The following SSH2 variants were observed in gnomAD, a reference collection of about 807,000 sequenced individuals.
SSH2 encodes the protein protein phosphatase Slingshot homolog 2.
In SSH2, 37 loss-of-function variants were observed where a neutral mutation model predicts 135.2. The observed-to-expected ratio is 0.27, with a 90% CI of 0.21 to 0.36. SSH2 has a LOEUF of 0.36. Among genes scored for constraint, SSH2 ranks in the 10% least tolerant of loss-of-function variants. The pLI is 1.00. For missense variants in SSH2, 1,408 were observed against 1,765.3 expected, an observed-to-expected ratio of 0.80 and a Z score of 3.63; for synonymous variants, 628 against 646.2, an observed-to-expected ratio of 0.97 and a Z score of 0.43.
chr17:29,837,464 T>C (rs778187971), intron 2 of SSH2, among the ~76,000 whole-genome samples: 20 of 152,146 alleles, frequency 1.3e-4, no homozygotes, highest in Admixed American at 5.9e-4. Flanking sequence ...GGCTATCCAT[T>C]GTAGCTGCCA....
intron 12 of SSH2, 86 bp from the exon 13 acceptor site, chr17:29,650,886 T>C (rs2036556139): frequency 2.7e-6 from 3 of 1,111,450 alleles, no homozygotes; most frequent in Non-Finnish European, 2.5e-6. Context: ...TTAAAACTTG[T>C]TTATTCCATA....
chr17:29,730,789 C>A (rs1303422057), intron 3 of SSH2, among the ~76,000 whole-genome samples: 1 of 151,826 alleles, frequency 6.6e-6, no homozygotes, highest in Non-Finnish European at 1.5e-5. Context: ...CTCTTGTACC[C>A]CATAAATATA....
chr17:29,908,783 A>T (rs34789126), intron 1 of SSH2, among the ~76,000 whole-genome samples: 2 of 128,068 alleles, frequency 1.6e-5, no homozygotes, highest in East Asian at 4.9e-4. Flanking sequence ...AAAAAAAAAA[A>T]AAAAAAAAAA....
At chr17:29,782,579 A>T (rs2041862121) in intron 3 of SSH2, among the ~76,000 whole-genome samples, 1 of 151,988 alleles carries the variant, frequency 6.6e-6, no homozygotes, top group Non-Finnish European at 1.5e-5. Flanking sequence ...CTTGAGGATC[A>T]GAGTTGTTTT....
chr17:29,775,237 G>GCA (rs1443321302), intron 3 of SSH2, among the ~76,000 whole-genome samples: 2 of 151,784 alleles, frequency 1.3e-5, no homozygotes, highest in South Asian at 4.2e-4. Context: ...ATGAGATCTG[G>GCA]CAGCCTAGAA....
intron 3 of SSH2, among the ~76,000 whole-genome samples, chr17:29,725,892 G>A (rs2151177687): frequency 6.6e-6 from 1 of 152,230 alleles, no homozygotes; most frequent in African/African-American, 2.4e-5. Context: ...TTCTGCAAAT[G>A]TATCCCAGAA....
intron 3 of SSH2, among the ~76,000 whole-genome samples, chr17:29,713,074 G>A (rs2039497532): frequency 6.6e-6 from 1 of 152,190 alleles, no homozygotes; most frequent in African/African-American, 2.4e-5. Context: ...GGTGGCTCAC[G>A]CCTGTAATTC....
At chr17:29,859,070 T>A (rs937872628) in intron 1 of SSH2, among the ~76,000 whole-genome samples, 5 of 152,166 alleles carry the variant, frequency 3.3e-5, no homozygotes, top group Non-Finnish European at 5.9e-5. Flanking sequence ...TAAATATTTG[T>A]TATTTAAGTG....
At chr17:29,817,984 G>A (rs1211680026) in intron 2 of SSH2, among the ~76,000 whole-genome samples, 6 of 151,774 alleles carry the variant, frequency 4.0e-5, no homozygotes, top group African/African-American at 1.2e-4. Flanking sequence ...TACCCAGGGT[G>A]GGCTCAAACT....
chr17:29,665,903 T>A (rs1228532392), intron 11 of SSH2, among the ~76,000 whole-genome samples: 2 of 152,228 alleles, frequency 1.3e-5, no homozygotes, highest in African/African-American at 4.8e-5. Flanking sequence ...AAGTAGGGAC[T>A]CAAAGTGTAG....
At chr17:29,865,867 G>A (rs975804170) in intron 1 of SSH2, among the ~76,000 whole-genome samples, 1 of 152,176 alleles carries the variant, frequency 6.6e-6, no homozygotes, top group Non-Finnish European at 1.5e-5. Flanking sequence ...TTGGGAGGCT[G>A]AGGCGGGCGG....
At chr17:29,852,373 A>G (rs545241111) in intron 1 of SSH2, among the ~76,000 whole-genome samples, 1 of 152,082 alleles carries the variant, frequency 6.6e-6, no homozygotes, top group African/African-American at 2.4e-5. Context: ...ATCAATTGAA[A>G]CAATTCATTA....
At chr17:29,893,558 C>T (rs1044823122) in intron 1 of SSH2, among the ~76,000 whole-genome samples, 4 of 152,016 alleles carry the variant, frequency 2.6e-5, no homozygotes, top group African/African-American at 4.8e-5. Flanking sequence ...TCCCAGACAC[C>T]GAATCTGCTG....
intron 2 of SSH2, among the ~76,000 whole-genome samples, chr17:29,809,021 A>T (rs763673336): frequency 2.0e-5 from 3 of 152,202 alleles, no homozygotes; most frequent in Non-Finnish European, 4.4e-5. Flanking sequence ...TGGGAGGCTG[A>T]GGCGGGCAGG....
intron 3 of SSH2, among the ~76,000 whole-genome samples, chr17:29,755,373 T>C (rs1306542289): frequency 2.0e-5 from 3 of 152,208 alleles, no homozygotes; most frequent in Non-Finnish European, 4.4e-5. Flanking sequence ...CATTTATTAA[T>C]GTTCTTCATT....
At chr17:29,836,147 C>A (rs968278354) in intron 2 of SSH2, among the ~76,000 whole-genome samples, 8 of 152,006 alleles carry the variant, frequency 5.3e-5, no homozygotes, top group Admixed American at 3.9e-4. Flanking sequence ...AAGTACATAT[C>A]TGACAGGCAA....
At chr17:29,677,123 A>G (rs2037754261) in intron 7 of SSH2, among the ~76,000 whole-genome samples, 1 of 152,244 alleles carries the variant, frequency 6.6e-6, no homozygotes, top group African/African-American at 2.4e-5. Context: ...AGAGAATTCA[A>G]TACAGTTTCC....
At chr17:29,837,776 C>T (rs1433269764) in intron 2 of SSH2, among the ~76,000 whole-genome samples, 3 of 152,240 alleles carry the variant, frequency 2.0e-5, no homozygotes, top group African/African-American at 7.2e-5. Flanking sequence ...GTGCCACCTG[C>T]ATCTTGCCCG....
intron 2 of SSH2, among the ~76,000 whole-genome samples, chr17:29,818,525 G>C (rs2042599076): frequency 6.6e-6 from 1 of 152,110 alleles, no homozygotes; most frequent in Non-Finnish European, 1.5e-5. Context: ...TGGGATTACA[G>C]GCATAAGCCA....
Sources: gnomAD v4.1 joint callset for allele counts (sites outside exome capture counted in the v4.1 genomes callset) on GRCh38, gnomAD v4.1.1 for gene constraint, MANE v1.5 for transcripts, NCBI Gene and HGNC (gene_info 2026-07-23, HGNC 2026-07-21) for gene names.